FAP: variants seen among roughly 807,000 people sequenced by gnomAD.
The protein encoded by FAP is fibroblast activation protein alpha, also known as prolyl endopeptidase FAP.
A neutral mutation model predicts 126.5 loss-of-function variants in FAP; 110 were observed. The ratio of observed to expected loss-of-function variants is 0.87; its 90% CI spans 0.74 to 1.02. The LOEUF (loss-of-function observed/expected upper bound fraction) is 1.02. FAP is among the 50% of genes least tolerant of loss of function. FAP has a pLI of 0.00. For synonymous variants in FAP, 334 were observed against 297.3 expected, an observed-to-expected ratio of 1.12 and a Z score of -1.27; for missense variants, 919 against 909.2, an observed-to-expected ratio of 1.01 and a Z score of -0.14.
intron 21 of FAP, chr2:162,176,470 A>C (rs534502359): frequency 6.6e-6 from 1 of 152,294 alleles, no homozygotes; most frequent in South Asian, 2.1e-4. Context: ...TATTTTAAAA[A>C]CAGAAGATAC....
chr2:162,209,134 T>C (rs1407646277), intron 12 of FAP, among the ~76,000 whole-genome samples: 1 of 152,102 alleles, frequency 6.6e-6, no homozygotes, highest in Non-Finnish European at 1.5e-5. Flanking sequence ...CTGACTTTTT[T>C]TTGTCCTTGG....
At chr2:162,233,760 C>T (rs1418313450) in intron 2 of FAP, among the ~76,000 whole-genome samples, 1 of 152,082 alleles carries the variant, frequency 6.6e-6, no homozygotes, top group East Asian at 1.9e-4. Context: ...TTGTTTCTTG[C>T]ATTTTTGGTC....
At position 162,243,308 on chromosome 2, in the gene FAP, T is replaced by A; in HGVS notation, c.6+14A>T. On this transcript the variant is annotated intron_variant, in intron 1 of 25. Coordinates refer to ENST00000188790, the MANE Select transcript of FAP (RefSeq NM_004460.5). The stretch of plus-strand genomic sequence containing the variant: ...CCTAATTTTTTAAGAATACTTGAGG[T>A]TGCTTATACTAACCTTCATTTTTCC... 6 of 1,595,202 alleles carry A rather than the reference T, an allele frequency of 3.8e-6. No homozygotes were observed. The highest frequency in any genetic ancestry group is 5.2e-6 in the Non-Finnish European group (6 of 1,164,936).
At chr2:162,172,739 AT>A in intron 25 of FAP, 71 bp downstream of exon 25, 1 of 997,284 alleles carries the variant, frequency 1.0e-6, no homozygotes, top group South Asian at 1.4e-5. Context: ...GTTAAAAAAA[AT>A]AAAAATATGA....
chr2:162,172,373 T>C (rs965495695), intron 25 of FAP: 2 of 159,536 alleles, frequency 1.3e-5, no homozygotes, highest in African/African-American at 4.8e-5. Context: ...AAAAGTTCTC[T>C]AACCACAAAT....
intron 20 of FAP, 138 bp from the exon 21 acceptor site, chr2:162,183,606 C>A (rs1207950215): frequency 3.3e-6 from 2 of 614,752 alleles, no homozygotes; most frequent in Non-Finnish European, 5.8e-6. Flanking sequence ...AATAAGCCTG[C>A]ATTTACAAAT....
intron 14 of FAP, among the ~76,000 whole-genome samples, chr2:162,202,428 T>A (rs1688532874): frequency 1.3e-5 from 2 of 152,228 alleles, no homozygotes; most frequent in Admixed American, 1.3e-4. Flanking sequence ...ATTTCTACTT[T>A]ACAGTATCTG....
chr2:162,241,925 A>C (rs1559800955), intron 2 of FAP, among the ~76,000 whole-genome samples: 1 of 152,242 alleles, frequency 6.6e-6, no homozygotes, highest in East Asian at 1.9e-4. Context: ...ATTTTCGAAA[A>C]CATTTTTCTA....
chr2:162,226,530 C>A lies in FAP; in HGVS notation c.183G>T (p.Trp61Cys), dbSNP rs770155296. ...GATAAATAATGCACTTACCTGAAAT[C>A]CAGTTTGGAAAAAATGTTTTATAAG... is the stretch of plus-strand genomic sequence containing the variant. ...TFSYKTFFPN[W>C]ISGQEYLHQS... Residue 61 changes from tryptophan (W) to cysteine (C), a missense_variant, in exon 3 of 26, where the codon TGG becomes TGT. Physicochemically the swap from Trp to Cys is radical, Grantham distance 215. Coordinates refer to ENST00000188790, the MANE Select transcript of FAP (RefSeq NM_004460.5). The A allele has an allele frequency of 2.6e-6, 4 of 1,544,806 alleles. No homozygotes were observed. Among genetic ancestry groups the A allele is most frequent in the Non-Finnish European group, 3.5e-6 (4 of 1,128,380 alleles).
intron 23 of FAP, 67 bp from the exon 24 acceptor site, chr2:162,173,288 T>G: frequency 8.7e-7 from 1 of 1,145,288 alleles, no homozygotes; most frequent in South Asian, 1.2e-5. Context: ...GCTAAATCAT[T>G]GTGCAATGGA....
At chr2:162,218,650 A>G (rs1052947122) in intron 8 of FAP, among the ~76,000 whole-genome samples, 4 of 151,984 alleles carry the variant, frequency 2.6e-5, no homozygotes, top group Non-Finnish European at 5.9e-5. Flanking sequence ...TAAGTCCTGA[A>G]TTCTACATGA....
At chr2:162,189,850 A>C in intron 17 of FAP, 96 bp from the exon 18 acceptor site, 1 of 664,470 alleles carries the variant, frequency 1.5e-6, no homozygotes. Context: ...GTGAAACTGA[A>C]ACTGTGAAAA....
At position 162,203,085 on chromosome 2, in the gene FAP, C is replaced by T. The variant is rs757711595; in HGVS notation, c.1108G>A (p.Asp370Asn). 4.0e-5 allele frequency: 64 copies of T among 1,613,596 alleles called. No individual in the cohort carries two copies. The highest frequency in any genetic ancestry group is 5.0e-5 in the Non-Finnish European group (59 of 1,179,766). Residue 370 changes from aspartate to asparagine, a missense_variant, in exon 13 of 26, where the codon GAC becomes AAC. Coordinates refer to ENST00000188790, the MANE Select transcript of FAP (RefSeq NM_004460.5). ...TGAATATGTTTGTAGCCATCCTTGTCACTAAATATTTTGTAGTACGAAATG... is the reference window on the plus strand; with the variant it reads ...TGAATATGTTTGTAGCCATCCTTGTTACTAAATATTTTGTAGTACGAAATG... ...DAISYYKIFS[D>N]KDGYKHIHYI... is the part of the protein sequence containing the mutation.
rs1052659915 is a variant in FAP at position 162,177,165 on chromosome 2, T to C, written c.1870-2199A>G. ...CACAGAGCAGATTGGCCATGAGAAT[T>C]CTGGAATTTTGTCCTTTGCACTTAG... is the stretch of plus-strand genomic sequence containing the variant. On this transcript the variant is annotated intron_variant, in intron 21 of 25. Coordinates refer to ENST00000188790, the MANE Select transcript of FAP (RefSeq NM_004460.5). 7.9e-5 allele frequency among the ~76,000 whole-genome samples: 12 copies of C among 152,080 alleles called. No individual in the cohort carries two copies. The South Asian group carries it at 2.5e-3, about 32-fold the overall frequency.
At chr2:162,185,866 CATCCCTAGG>C (rs1687853082) in intron 20 of FAP, among the ~76,000 whole-genome samples, 1 of 152,102 alleles carries the variant, frequency 6.6e-6, no homozygotes, top group South Asian at 2.1e-4. Context: ...TATATTGAAT[CATCCCTAGG>C]ATTATTATTC....
Position 162,170,851 on chromosome 2 carries a change from C to G in FAP, c.*128G>C, listed in dbSNP as rs1004804230. On this transcript the variant is annotated 3_prime_UTR_variant, in exon 26 of 26. Transcript: ENST00000188790. ...GAGTCCTCATCTTTTTTTTAACAGC[C>G]TTTAGAACAACATTAATTTGTTTGT... is the stretch of plus-strand genomic sequence containing the variant. 1.5e-6 allele frequency: 1 copy of G among 663,652 alleles called. No homozygotes were observed. The highest frequency in any genetic ancestry group is 2.9e-5 in the Admixed American group (1 of 34,182). The allele number at this position is 663,652 out of a possible 1,614,324, so 41.1% of individuals were successfully genotyped here.
chr2:162,188,869 A>C (rs1001637408), intron 19 of FAP, among the ~76,000 whole-genome samples: 1 of 152,084 alleles, frequency 6.6e-6, no homozygotes, highest in African/African-American at 2.4e-5. Context: ...GCAAATTGCC[A>C]TACAAAGGAA....
intron 24 of FAP, 59 bp downstream of exon 24, chr2:162,173,090 T>G: frequency 2.0e-6 from 3 of 1,505,684 alleles, no homozygotes; most frequent in Non-Finnish European, 2.8e-6. Context: ...TTAATGTTTC[T>G]TAAACAAAGT....
chr2:162,226,146 T>C (rs1389010408), intron 3 of FAP, among the ~76,000 whole-genome samples: 3 of 152,166 alleles, frequency 2.0e-5, no homozygotes. Context: ...CATTGTCAGA[T>C]TGAGATTTGT....
Sources: allele counts gnomAD v4.1 joint callset (sites outside exome capture counted in the v4.1 genomes callset), GRCh38; gene constraint gnomAD v4.1.1; transcripts MANE v1.5; gene names NCBI Gene and HGNC (gene_info 2026-07-23, HGNC 2026-07-21).